RBFOX2: variants seen among roughly 807,000 people sequenced by gnomAD.
RBFOX2 encodes the protein RNA binding protein fox-1 homolog 2.
RBFOX2 carries 10 observed loss-of-function variants against 49.1 expected under a neutral mutation model. The ratio of observed to expected loss-of-function variants is 0.20; its 90% CI spans 0.13 to 0.35. The LOEUF is 0.35. Among genes scored for constraint, RBFOX2 ranks in the 10% least tolerant of loss-of-function variants. The pLI, the probability that RBFOX2 is intolerant of heterozygous loss-of-function variation, is 1.00. For synonymous variants in RBFOX2, 183 were observed against 187.4 expected (o/e 0.98, Z 0.19); for missense variants, 323 against 486.9 (o/e 0.66, Z 3.17).
chr22:35,918,550 TAAG>T (rs2050684203), intron 1 of RBFOX2, among the ~76,000 whole-genome samples: 1 of 152,194 alleles, frequency 6.6e-6, no homozygotes, highest in Non-Finnish European at 1.5e-5. Context: ...AATCATATAG[TAAG>T]AAATAATCTT....
chr22:35,953,599 C>T (rs983385814), intron 1 of RBFOX2, among the ~76,000 whole-genome samples: 1 of 152,160 alleles, frequency 6.6e-6, no homozygotes, highest in Non-Finnish European at 1.5e-5. Flanking sequence ...TTGTACAGCA[C>T]TGTGAACGTA....
At chr22:35,951,823 C>T (rs930250234) in intron 1 of RBFOX2, among the ~76,000 whole-genome samples, 1 of 152,068 alleles carries the variant, frequency 6.6e-6, no homozygotes, top group African/African-American at 2.4e-5. Flanking sequence ...CATTAAAGTC[C>T]CTGCTGGCTT....
chr22:35,862,383 G>A (rs548838150), intron 1 of RBFOX2, among the ~76,000 whole-genome samples: 64 of 150,434 alleles, frequency 4.3e-4, no homozygotes, highest in African/African-American at 1.4e-3. Flanking sequence ...TTGGAGGGGG[G>A]GGGGAATGAT....
At chr22:35,972,064 CA>C in intron 1 of RBFOX2, among the ~76,000 whole-genome samples, 1 of 152,038 alleles carries the variant, frequency 6.6e-6, no homozygotes, top group East Asian at 1.9e-4. Context: ...CTGGGGTCAC[CA>C]CTAACAAGAT....
At chr22:35,902,885 G>C (rs2048745130) in intron 1 of RBFOX2, among the ~76,000 whole-genome samples, 1 of 151,648 alleles carries the variant, frequency 6.6e-6, no homozygotes, top group African/African-American at 2.4e-5. Flanking sequence ...TGAATTCCTG[G>C]GTTCAAGCAA....
At chr22:35,844,380 AT>A (rs1186350034), upstream of RBFOX2, among the ~76,000 whole-genome samples, 1 of 152,222 alleles carries the variant, frequency 6.6e-6, no homozygotes, top group Non-Finnish European at 1.5e-5. Context: ...CTAGCCATTT[AT>A]TTATTCACAC....
chr22:35,843,182 T>C (rs921627609), upstream of RBFOX2, among the ~76,000 whole-genome samples: 1 of 152,192 alleles, frequency 6.6e-6, no homozygotes, highest in Non-Finnish European at 1.5e-5. Flanking sequence ...GGTGGCTGAA[T>C]GTGCCCGGTA....
chr22:35,760,171 T>C (rs1433101245), intron 8 of RBFOX2, 151 bp from the exon 10 acceptor site: 61 of 941,540 alleles, frequency 6.5e-5, no homozygotes, highest in Middle Eastern at 3.4e-4. Flanking sequence ...ATAAACGTTC[T>C]ACCCTGGGTC....
At chr22:35,863,157 T>G (rs1208658217) in intron 1 of RBFOX2, among the ~76,000 whole-genome samples, 1 of 152,182 alleles carries the variant, frequency 6.6e-6, no homozygotes, top group Non-Finnish European at 1.5e-5. Flanking sequence ...TAACATATTG[T>G]TGTTATTTTG....
intron 1 of RBFOX2, among the ~76,000 whole-genome samples, chr22:35,895,863 T>C (rs2047777961): frequency 6.6e-6 from 1 of 152,248 alleles, no homozygotes; most frequent in Non-Finnish European, 1.5e-5. Flanking sequence ...GCCATGTTCC[T>C]GGTGACCATG....
At chr22:35,831,231 C>T (rs1285769204) in intron 1 of RBFOX2, among the ~76,000 whole-genome samples, 1 of 152,108 alleles carries the variant, frequency 6.6e-6, no homozygotes, top group Admixed American at 6.5e-5. Flanking sequence ...ATCACAAGGT[C>T]AGGAGATCGA....
intron 1 of RBFOX2, among the ~76,000 whole-genome samples, chr22:35,906,597 G>T (rs12170473): frequency 0.018 from 2,817 of 152,276 alleles, 25 homozygotes; most frequent in Non-Finnish European, 0.028. Context: ...GAGGCAGGCA[G>T]ATCTCTTCAG....
intron 1 of RBFOX2, among the ~76,000 whole-genome samples, chr22:35,920,158 ACT>A (rs1197683796): frequency 2.6e-5 from 4 of 152,260 alleles, no homozygotes; most frequent in African/African-American, 9.6e-5. Context: ...TTTAAATGTC[ACT>A]GTCAGTTTCC....
intron 1 of RBFOX2, among the ~76,000 whole-genome samples, chr22:35,934,001 T>C (rs2052753644): frequency 6.8e-6 from 1 of 147,634 alleles, no homozygotes; most frequent in African/African-American, 2.5e-5. Flanking sequence ...AAATAACTAA[T>C]GTGAATGCTT....
At chr22:35,741,927 A>T (rs1378674605) in exon 12 of RBFOX2, 2 of 152,432 alleles carry the variant, frequency 1.3e-5, no homozygotes, top group Admixed American at 1.3e-4. Context: ...TCCACTGAAT[A>T]CGTGGCTTGC....
intron 1 of RBFOX2, among the ~76,000 whole-genome samples, chr22:35,825,193 C>A (rs979240152): frequency 6.6e-6 from 1 of 152,160 alleles, no homozygotes; most frequent in South Asian, 2.1e-4. Context: ...GTACTCCAGC[C>A]TGGGAGTGCA....
At chr22:35,795,405 G>A (rs1035703162) in intron 2 of RBFOX2, among the ~76,000 whole-genome samples, 11 of 152,020 alleles carry the variant, frequency 7.2e-5, no homozygotes, top group African/African-American at 2.4e-4. Flanking sequence ...TAGTATGATA[G>A]ACTGTGGCCC....
intron 1 of RBFOX2, among the ~76,000 whole-genome samples, chr22:35,825,981 CAAAAAAAA>C (rs901630936): frequency 2.0e-4 from 8 of 39,860 alleles, no homozygotes; most frequent in East Asian, 7.1e-4. Flanking sequence ...GACTCCGCTT[CAAAAAAAA>C]AAAAAAAAAA....
chr22:35,826,353 A>C (rs1246966505), intron 1 of RBFOX2, among the ~76,000 whole-genome samples: 1 of 150,574 alleles, frequency 6.6e-6, no homozygotes, highest in African/African-American at 2.5e-5. Context: ...AAAAAAAAAA[A>C]AAAAAAAAAA....
Sources: gnomAD v4.1 joint callset for allele counts (sites outside exome capture counted in the v4.1 genomes callset) on GRCh38, gnomAD v4.1.1 for gene constraint, MANE v1.5 for transcripts, NCBI Gene and HGNC (gene_info 2026-07-23, HGNC 2026-07-21) for gene names.